Variants in PTPRN2 observed in about 807,000 individuals in gnomAD.
The protein encoded by PTPRN2 is protein tyrosine phosphatase receptor type N2.
PTPRN2 carries 74 observed loss-of-function variants against 118.8 expected under a neutral mutation model. The observed-to-expected ratio is 0.62, with a 90% CI of 0.52 to 0.76. The LOEUF is 0.76. Among genes scored for constraint, PTPRN2 ranks in the 30% least tolerant of loss-of-function variants. The pLI is 0.00. For synonymous variants in PTPRN2, 641 were observed against 608.0 expected (o/e 1.05, Z -0.80); for missense variants, 1,481 against 1,394.4 (o/e 1.06, Z -0.99).
chr7:157,708,098 C>G (rs1404162910), intron 12 of PTPRN2, among the ~76,000 whole-genome samples: 2 of 152,354 alleles, frequency 1.3e-5, no homozygotes, highest in East Asian at 3.9e-4. Flanking sequence ...AAGGAAGGGT[C>G]CCTGTAAGCA....
intron 3 of PTPRN2, among the ~76,000 whole-genome samples, chr7:158,276,915 G>A (rs990287724): frequency 3.3e-5 from 5 of 152,174 alleles, no homozygotes; most frequent in Admixed American, 3.3e-4. Context: ...CTCAGGTGCT[G>A]TCTATCAGCT....
chr7:158,067,930 C>T (rs760100403), intron 11 of PTPRN2, among the ~76,000 whole-genome samples: 29 of 152,128 alleles, frequency 1.9e-4, no homozygotes, highest in Non-Finnish European at 3.1e-4. Flanking sequence ...TTTGGTGAGG[C>T]GGCAGGGTCG....
At chr7:158,499,820 T>TATAC (rs1292418108) in intron 1 of PTPRN2, among the ~76,000 whole-genome samples, 2 of 144,680 alleles carry the variant, frequency 1.4e-5, no homozygotes, top group African/African-American at 5.0e-5. Context: ...TATATATATA[T>TATAC]ACACACACCC....
At chr7:158,539,221 G>A (rs913183733) in intron 1 of PTPRN2, among the ~76,000 whole-genome samples, 1 of 152,176 alleles carries the variant, frequency 6.6e-6, no homozygotes, top group Non-Finnish European at 1.5e-5. Context: ...CTTTTAAAAT[G>A]TATATTTAAA....
intron 12 of PTPRN2, among the ~76,000 whole-genome samples, chr7:157,720,800 C>T (rs778010597): frequency 2.0e-5 from 3 of 152,176 alleles, no homozygotes; most frequent in Non-Finnish European, 2.9e-5. Flanking sequence ...GTGGCAAAGC[C>T]GAGACCCTCA....
chr7:158,281,652 C>T (rs1799434804), intron 3 of PTPRN2, among the ~76,000 whole-genome samples: 3 of 152,152 alleles, frequency 2.0e-5, no homozygotes, highest in Admixed American at 2.0e-4. Flanking sequence ...CGTGCAAACG[C>T]TCAGGTGTGT....
Position 158,430,512 on chromosome 7 carries a change from G to A in PTPRN2, c.163+59223C>T, listed in dbSNP as rs567240310. Among the ~76,000 whole-genome samples the A allele has an allele frequency of 5.3e-5, 8 of 152,338 alleles. No homozygotes were observed. The South Asian group carries it at 6.2e-4, about 12-fold the overall frequency. ...TGCGGGGCCTCGCACGGCTCAGCGCGGCACCCCCTCCCTGTGGATTCCCGC... is the reference window on the plus strand; with the variant it reads ...TGCGGGGCCTCGCACGGCTCAGCGCAGCACCCCCTCCCTGTGGATTCCCGC... On this transcript the variant is annotated intron_variant, in intron 2 of 22. Coordinates refer to ENST00000389418, the MANE Select transcript of PTPRN2 (RefSeq NM_002847.5).
At chr7:158,082,975 CA>C (rs1812956082) in intron 10 of PTPRN2, among the ~76,000 whole-genome samples, 2 of 152,162 alleles carry the variant, frequency 1.3e-5, no homozygotes, top group Admixed American at 6.5e-5. Flanking sequence ...AGGAGGAGGC[CA>C]CTCCCTCCCT....
At chr7:157,844,071 C>T (rs923655861) in intron 12 of PTPRN2, among the ~76,000 whole-genome samples, 2 of 151,370 alleles carry the variant, frequency 1.3e-5, no homozygotes, top group African/African-American at 4.9e-5. Context: ...ACGCAGGCCC[C>T]TCCACGTCGT....
chr7:158,149,345 A>T (rs981842155), intron 6 of PTPRN2, among the ~76,000 whole-genome samples: 1 of 152,308 alleles, frequency 6.6e-6, no homozygotes, highest in Admixed American at 6.5e-5. Flanking sequence ...CTGGAAATTA[A>T]CAACTACATT....
intron 3 of PTPRN2, among the ~76,000 whole-genome samples, chr7:158,216,625 C>G (rs1020737287): frequency 1.3e-5 from 2 of 151,970 alleles, no homozygotes; most frequent in Non-Finnish European, 2.9e-5. Context: ...AAGGGAATTA[C>G]AGAGTTATAA....
intron 12 of PTPRN2, among the ~76,000 whole-genome samples, chr7:157,795,861 T>A (rs972413447): frequency 1.3e-5 from 2 of 152,180 alleles, no homozygotes; most frequent in African/African-American, 4.8e-5. Flanking sequence ...CACCCTGACC[T>A]GCCTGACGGA....
intron 12 of PTPRN2, among the ~76,000 whole-genome samples, chr7:157,782,160 C>A (rs143459313): frequency 6.6e-6 from 1 of 152,230 alleles, no homozygotes; most frequent in East Asian, 1.9e-4. Context: ...TGCACAGGAC[C>A]GTAGACCCCA....
chr7:157,933,486 G>A (rs56321311), intron 11 of PTPRN2, among the ~76,000 whole-genome samples: 1 of 149,026 alleles, frequency 6.7e-6, no homozygotes, highest in African/African-American at 2.5e-5. Context: ...TAGAGGAGGG[G>A]TGAGTCACTC....
chr7:158,100,415 T>C (rs1815140314), intron 10 of PTPRN2, among the ~76,000 whole-genome samples: 1 of 152,214 alleles, frequency 6.6e-6, no homozygotes, highest in Non-Finnish European at 1.5e-5. Context: ...TCCAGGTAGA[T>C]ACCCAGCAGT....
rs1804129569 is a variant in PTPRN2 at position 157,787,373 on chromosome 7, TGG to T, written c.1789-104438_1789-104437del. ...CGACAGGAGGGGGTCTGGCCTCTGC[TGG>T]GAGTGACATCTGAAGATGCCATAGA... On this transcript the variant is annotated intron_variant, in intron 12 of 22. Coordinates refer to ENST00000389418, the MANE Select transcript of PTPRN2 (RefSeq NM_002847.5). This position sits in a 1 kb window ranked among gnomAD's most constrained non-coding sequence, Gnocchi z 5.3. Among the ~76,000 whole-genome samples the T allele has an allele frequency of 6.6e-6, 1 of 152,070 alleles. No individual in the cohort carries two copies. Among genetic ancestry groups the T allele is most frequent in the Non-Finnish European group, 1.5e-5 (1 of 67,992 alleles).
Position 157,615,941 on chromosome 7 carries a change from G to T in PTPRN2, c.2344+5421C>A. Reference sequence around the variant, plus strand: ...GAGATGTGCACCTGGCAGGATGAACGTAACTTCTGGTGGATAAAGTGGGAG... The same window carrying T: ...GAGATGTGCACCTGGCAGGATGAACTTAACTTCTGGTGGATAAAGTGGGAG... On this transcript the variant is annotated intron_variant, in intron 15 of 22. Coordinates refer to ENST00000389418, the MANE Select transcript of PTPRN2 (RefSeq NM_002847.5). The surrounding 1 kb of genome is among the most constrained non-coding windows in gnomAD (Gnocchi z 4.3). The T allele has an allele frequency of 7.7e-6, 2 of 261,038 alleles. No individual in the cohort carries two copies. Among genetic ancestry groups the T allele is most frequent in the Non-Finnish European group, 1.5e-5 (2 of 132,638 alleles). 16.2% of individuals were successfully genotyped at this position (261,038 alleles called of 1,614,324 possible).
intron 2 of PTPRN2, among the ~76,000 whole-genome samples, chr7:158,324,102 G>A (rs1803274824): frequency 6.6e-6 from 1 of 151,840 alleles, no homozygotes; most frequent in African/African-American, 2.4e-5. Context: ...CTCATATACA[G>A]GTGCACACAA....
At chr7:157,628,551 A>G (rs1803738341) in intron 14 of PTPRN2, among the ~76,000 whole-genome samples, 1 of 152,246 alleles carries the variant, frequency 6.6e-6, no homozygotes, top group Admixed American at 6.5e-5. Context: ...TCCCTCCCAC[A>G]GCTACTTTTT....
Sources: gnomAD v4.1 joint callset for allele counts (sites outside exome capture counted in the v4.1 genomes callset) on GRCh38, gnomAD v4.1.1 for gene constraint, Gnocchi (gnomAD v3.1) non-coding constraint, MANE v1.5 for transcripts, NCBI Gene and HGNC (gene_info 2026-07-23, HGNC 2026-07-21) for gene names.